The following MPP3 variants were observed in gnomAD, a reference collection of about 807,000 sequenced individuals.
The protein encoded by MPP3 is MAGUK p55 subfamily member 3.
Under a neutral mutation model 80.7 loss-of-function variants are expected in MPP3, and 48 were observed. The observed-to-expected ratio is 0.59, with a 90% CI of 0.47 to 0.76. MPP3 has a LOEUF of 0.76. Ranked by LOEUF, MPP3 falls within the 30% of genes least tolerant of loss-of-function variation. The pLI is 0.00. For missense variants in MPP3, 620 were observed against 763.0 expected (o/e 0.81, Z 2.21); for synonymous variants, 311 against 297.6 (o/e 1.04, Z -0.46).
Position 43,811,384 on chromosome 17 carries a change from T to C in MPP3, c.1256-179A>G, listed in dbSNP as rs370922388. 43 of 596,274 alleles carry C rather than the reference T, an allele frequency of 7.2e-5. 1 individual carries two copies. Among genetic ancestry groups the C allele is most frequent in the African/African-American group, 7.1e-4 (38 of 53,802 alleles). 36.9% of individuals were successfully genotyped at this position (596,274 alleles called of 1,614,324 possible). A position where few individuals can be genotyped will look rare whatever the true frequency, so the allele number is the denominator to read the frequency against. ...CCTTTCCAGGCAGGCGTATCACTGA[T>C]TCACACAACAACTCTTTGATGTAGG... is the stretch of plus-strand genomic sequence containing the variant. On this transcript the variant is annotated intron_variant, in intron 16 of 19. Transcript: ENST00000398389.
intron 13 of MPP3, 125 bp from the exon 14 acceptor site, chr17:43,816,204 G>T: frequency 1.3e-6 from 1 of 796,582 alleles, no homozygotes; most frequent in Non-Finnish European, 1.9e-6. Flanking sequence ...GGGAGCTCAG[G>T]GGAAATCCCA....
intron 19 of MPP3, among the ~76,000 whole-genome samples, chr17:43,807,372 C>T (rs1326505598): frequency 1.3e-5 from 2 of 151,308 alleles, no homozygotes; most frequent in Admixed American, 1.3e-4. Context: ...AATGCAGTGG[C>T]ATGGTCATGG....
chr17:43,805,124 C>T (rs1257322877), intron 19 of MPP3, among the ~76,000 whole-genome samples: 1 of 152,046 alleles, frequency 6.6e-6, no homozygotes, highest in Admixed American at 6.6e-5. Context: ...TCTTACAACT[C>T]AATAACAAAA....
intron 11 of MPP3, among the ~76,000 whole-genome samples, chr17:43,819,541 G>A (rs2045318060): frequency 2.6e-5 from 4 of 152,114 alleles, no homozygotes; most frequent in Admixed American, 6.5e-5. Flanking sequence ...CTCCTCCCTT[G>A]CACCCATCAC....
At chr17:43,831,447 G>A in intron 4 of MPP3, 112 bp downstream of exon 4, 2 of 1,295,438 alleles carry the variant, frequency 1.5e-6, no homozygotes, top group Non-Finnish European at 2.2e-6. Flanking sequence ...TGTGTAGTGG[G>A]CAAGTGAAGG....
At chr17:43,811,583 TTTTG>T (rs1307246607) in intron 16 of MPP3, 5 of 170,492 alleles carry the variant, frequency 2.9e-5, no homozygotes, top group Non-Finnish European at 6.2e-5. Context: ...TGTGTTTTTT[TTTTG>T]TTTGTTTTGT....
At position 43,810,810 on chromosome 17, in the gene MPP3, T is replaced by C; in HGVS notation, c.1455A>G (p.Pro485=). ...KNKVCLVDVE[P]EALKQLRTSE... is the part of the protein sequence containing the mutation. ...GCCAGCAGGCCCAGCAACTCACTTC[T>C]GGCTCCACATCCACCAAACAAACTT... Residue 485 remains proline (P), a synonymous_variant, in exon 18 of 20, where the codon CCA becomes CCG. Transcript: ENST00000398389. The C allele has an allele frequency of 1.2e-6, 2 of 1,603,188 alleles. No individual in the cohort carries two copies. Among genetic ancestry groups the C allele is most frequent in the Non-Finnish European group, 8.5e-7 (1 of 1,176,092 alleles).
chr17:43,831,417 G>A (rs2045954329), intron 4 of MPP3, 96 bp from the exon 5 acceptor site: 1 of 1,411,302 alleles, frequency 7.1e-7, no homozygotes, highest in Non-Finnish European at 1.0e-6. Flanking sequence ...CCACTGACAG[G>A]GCACCATAAG....
chr17:43,808,880 C>T, intron 19 of MPP3, 76 bp downstream of exon 19: 1 of 1,493,310 alleles, frequency 6.7e-7, no homozygotes. Context: ...CTGCAAGCAC[C>T]CTTATGCAGC....
Position 43,816,818 on chromosome 17 carries a change from C to T in MPP3, c.947-121G>A, listed in dbSNP as rs763811533. ...CCGCCATCTGGCCTCTTTCCCTTTC[C>T]TCCAACGAACCTGTGATCTGAGCTG... On this transcript the variant is annotated intron_variant, in intron 12 of 19. Coordinates refer to ENST00000398389, the MANE Select transcript of MPP3 (RefSeq NM_001932.6). The T allele has an allele frequency of 1.9e-4, 165 of 864,712 alleles. 1 individual carries two copies. The highest frequency in any genetic ancestry group is 2.7e-4 in the Non-Finnish European group (141 of 523,144). The allele number at this position is 864,712 out of a possible 1,614,324, so 53.6% of individuals were successfully genotyped here.
chr17:43,830,231 C>A, intron 5 of MPP3, 124 bp from the exon 6 acceptor site: 5 of 565,668 alleles, frequency 8.8e-6, no homozygotes, highest in Non-Finnish European at 1.5e-5. Flanking sequence ...GACCCTCAAC[C>A]ACCCGACGAC....
chr17:43,825,161 G>A (rs767646706), intron 9 of MPP3: 2 of 152,440 alleles, frequency 1.3e-5, no homozygotes, highest in African/African-American at 4.8e-5. Flanking sequence ...AGAGTGTCAG[G>A]TCAGGGGAGG....
At chr17:43,809,561 T>C (rs1036429216) in intron 18 of MPP3, among the ~76,000 whole-genome samples, 12 of 152,096 alleles carry the variant, frequency 7.9e-5, no homozygotes, top group Admixed American at 7.9e-4. Context: ...ACTGAACAGA[T>C]CATTTAAAAC....
chr17:43,814,409 C>T (rs1487956817), intron 14 of MPP3, 48 bp from the exon 15 acceptor site: 1 of 1,541,788 alleles, frequency 6.5e-7, no homozygotes, highest in Non-Finnish European at 8.7e-7. Flanking sequence ...CCCAGTTGTC[C>T]CAGGATCTCC....
In MPP3 at chr17:43,820,954, C is replaced by T. The variant is rs765114692; in HGVS notation, c.789G>A (p.Val263=). 3.1e-6 allele frequency: 5 copies of T among 1,613,768 alleles called. No homozygotes were observed. The African/African-American group carries it at 5.3e-5, about 17-fold the overall frequency. The change falls in exon 11 of 20, where the codon GTG becomes GTA. Residue 263 remains valine, a synonymous_variant. Coordinates refer to ENST00000398389, the MANE Select transcript of MPP3 (RefSeq NM_001932.6). ...PFQRRQVLEV[V]SQDDPTWWQA... is the part of the protein sequence containing the mutation. ...GCCACCACGTGGGGTCGTCCTGGCT[C>T]ACCACCTCCAGGACCTGCCTGCGCT...
chr17:43,830,251 G>C, intron 5 of MPP3, 144 bp from the exon 6 acceptor site: 1 of 524,354 alleles, frequency 1.9e-6, no homozygotes, highest in Non-Finnish European at 3.3e-6. Context: ...CGATGATCCT[G>C]GGAACATCAC....
intron 19 of MPP3, among the ~76,000 whole-genome samples, chr17:43,805,370 T>C (rs1813745674): frequency 6.6e-6 from 1 of 152,202 alleles, no homozygotes; most frequent in Non-Finnish European, 1.5e-5. Flanking sequence ...ACACTGCTGC[T>C]GGGAATGTAA....
chr17:43,812,143 T>C (rs1209642204), intron 16 of MPP3, among the ~76,000 whole-genome samples: 5 of 152,234 alleles, frequency 3.3e-5, no homozygotes, highest in African/African-American at 1.2e-4. Context: ...TGGTGTTTTC[T>C]CATTGATTTC....
Position 43,811,182 on chromosome 17 carries a change from G to A in MPP3, c.1279C>T (p.His427Tyr), listed in dbSNP as rs1310419949. 6.2e-7 allele frequency: 1 copy of A among 1,614,002 alleles called. No homozygotes were observed. The highest frequency in any genetic ancestry group is 2.2e-5 in the East Asian group (1 of 44,878). Reference protein sequence around the residue: ...VPHTTRPRKSHEKEGVEYHFV... With the variant: ...VPHTTRPRKSYEKEGVEYHFV... Reference sequence around the variant, plus strand: ...TGATATTCCACTCCTTCCTTCTCATGGCTCTTTCGGGGCCTGGTGGTATCT... The same window carrying A: ...TGATATTCCACTCCTTCCTTCTCATAGCTCTTTCGGGGCCTGGTGGTATCT... Residue 427 changes from histidine (H) to tyrosine (Y), a missense_variant, in exon 17 of 20, where the codon CAT (histidine) becomes TAT (tyrosine). By Grantham distance (83) the His-to-Tyr change is moderately conservative (BLOSUM62 2). Transcript: ENST00000398389.
Sources: gnomAD v4.1 joint callset for allele counts (sites outside exome capture counted in the v4.1 genomes callset) on GRCh38, gnomAD v4.1.1 for gene constraint, MANE v1.5 for transcripts, NCBI Gene and HGNC (gene_info 2026-07-23, HGNC 2026-07-21) for gene names.